Variants in DDX19B observed in about 807,000 individuals in gnomAD.
DDX19B encodes the protein ATP-dependent RNA helicase DDX19B.
A neutral mutation model predicts 58.1 loss-of-function variants in DDX19B; 27 were observed. The observed-to-expected ratio is 0.46, with a 90% CI of 0.34 to 0.64. The LOEUF (loss-of-function observed/expected upper bound fraction) is 0.64, where lower values mean the gene tolerates loss of function less well. DDX19B is among the 30% of genes least tolerant of loss of function. The pLI is 0.01. For missense variants in DDX19B, 399 were observed against 596.5 expected, an observed-to-expected ratio of 0.67 and a Z score of 3.45; for synonymous variants, 187 against 214.4, an observed-to-expected ratio of 0.87 and a Z score of 1.12.
chr16:70,289,966 A>C (rs1961015939), upstream of DDX19B: 1 of 327,704 alleles, frequency 3.1e-6, no homozygotes, highest in South Asian at 2.3e-5. Flanking sequence ...TGTCCGGGGG[A>C]GACCTTGAAT....
In DDX19B at chr16:70,308,813, GT is replaced by G. The variant is rs532007793; in HGVS notation, c.58-3783del. ...CAGGTGTGAGCCACTGTGCCCAGCT[GT>G]TTTTTTTTTTTTAAAGTTCTAGGGT... On this transcript the variant is annotated intron_variant, in intron 1 of 11. Transcript: ENST00000288071. 2.7e-3 allele frequency among the ~76,000 whole-genome samples: 390 copies of G among 145,088 alleles called. 2 individuals carry two copies. Among genetic ancestry groups the G allele is most frequent in the Non-Finnish European group, 3.6e-3 (235 of 65,484 alleles).
At chr16:70,298,757 T>C (rs1961325703), upstream of DDX19B, among the ~76,000 whole-genome samples, 1 of 152,174 alleles carries the variant, frequency 6.6e-6, no homozygotes, top group African/African-American at 2.4e-5. Flanking sequence ...GCAGTTTTGT[T>C]ACATGCCTAA....
chr16:70,299,148 T>C (rs1961340932), upstream of DDX19B: 2 of 1,360,090 alleles, frequency 1.5e-6, no homozygotes, highest in East Asian at 2.9e-5. Flanking sequence ...CAAACAGGAG[T>C]GGCCTCCGAC....
At chr16:70,290,098 A>G (rs1961020723), upstream of DDX19B, 2 of 269,022 alleles carry the variant, frequency 7.4e-6, no homozygotes, top group South Asian at 6.5e-5. Context: ...GTGAATATAT[A>G]TATATACATA....
chr16:70,290,040 T>G, upstream of DDX19B: 1 of 280,750 alleles, frequency 3.6e-6, no homozygotes, highest in Non-Finnish European at 7.3e-6. Flanking sequence ...GTCCTCGATT[T>G]GCCTTTGGAA....
At position 70,325,628 on chromosome 16, in the gene DDX19B, G is replaced by A. The variant is rs767204262; in HGVS notation, c.547G>A (p.Glu183Lys). Residue 183 changes from glutamate to lysine, a missense_variant, in exon 7 of 12, where the codon GAA (glutamate) becomes AAA (lysine). Glu to Lys is a moderately conservative substitution (Grantham distance 56). Transcript: ENST00000288071. Reference sequence around the variant, plus strand: ...CGCCCTCCAAACAGGAAAAGTGATTGAACAAATGGGCAAATTTTACCCTGA... The same window carrying A: ...CGCCCTCCAAACAGGAAAAGTGATTAAACAAATGGGCAAATTTTACCCTGA... ...ELALQTGKVIEQMGKFYPELK... is the reference protein window; with the variant it reads ...ELALQTGKVIKQMGKFYPELK... 1 of 1,614,082 alleles carries A rather than the reference G, an allele frequency of 6.2e-7. No individual in the cohort carries two copies. The highest frequency in any genetic ancestry group is 8.5e-7 in the Non-Finnish European group (1 of 1,179,994).
intron 7 of DDX19B, among the ~76,000 whole-genome samples, chr16:70,327,250 G>T (rs1014872535): frequency 6.6e-6 from 1 of 151,534 alleles, no homozygotes; most frequent in African/African-American, 2.4e-5. Flanking sequence ...AATTTTTTTT[G>T]TAGGCCAAAC....
In DDX19B at chr16:70,315,142, C is replaced by T. The variant is rs553243775; in HGVS notation, c.160+187C>T. Among the ~76,000 whole-genome samples, 775 of 150,594 alleles carry T rather than the reference C, an allele frequency of 5.1e-3. 7 individuals carry two copies. The highest frequency in any genetic ancestry group is 6.5e-3 in the Non-Finnish European group (443 of 67,772). ...CTGTAATCCCAGCACTTTGGGAGGC[C>T]GAGGTGGGCAGATCACGAGGTCAGG... On this transcript the variant is annotated intron_variant, in intron 3 of 11. Coordinates refer to ENST00000288071, the MANE Select transcript of DDX19B (RefSeq NM_007242.7).
chr16:70,317,424 A>G, intron 4 of DDX19B, 72 bp from the exon 5 acceptor site: 1 of 1,219,944 alleles, frequency 8.2e-7, no homozygotes, highest in South Asian at 1.3e-5. Context: ...TAAAAGAGAA[A>G]AATCCTCCAG....
chr16:70,331,915 C>T, intron 10 of DDX19B, 31 bp downstream of exon 10: 1 of 1,606,818 alleles, frequency 6.2e-7, no homozygotes, highest in Non-Finnish European at 8.5e-7. Flanking sequence ...ACCTGGTCTG[C>T]CAGGCTTGGG....
chr16:70,294,885 C>T (rs1263610375), upstream of DDX19B: 1 of 1,526,166 alleles, frequency 6.6e-7, no homozygotes, highest in Non-Finnish European at 8.7e-7. Context: ...TCGCGCCCTG[C>T]GGCGGTTTCC....
At chr16:70,320,068 T>C (rs1056508832) in intron 5 of DDX19B, among the ~76,000 whole-genome samples, 7 of 152,156 alleles carry the variant, frequency 4.6e-5, no homozygotes, top group African/African-American at 1.7e-4. Context: ...TTCATACTGA[T>C]TGATCATTTA....
intron 2 of DDX19B, among the ~76,000 whole-genome samples, chr16:70,313,818 C>T (rs1438511912): frequency 3.3e-5 from 5 of 152,048 alleles, no homozygotes; most frequent in Non-Finnish European, 7.4e-5. Context: ...TTATATTAAT[C>T]AATTTATAGG....
At chr16:70,305,512 T>C (rs138503511) in intron 1 of DDX19B, among the ~76,000 whole-genome samples, 1 of 152,342 alleles carries the variant, frequency 6.6e-6, no homozygotes, top group East Asian at 1.9e-4. Flanking sequence ...AGAAATTGCA[T>C]ACTTTACTGT....
intron 9 of DDX19B, among the ~76,000 whole-genome samples, chr16:70,330,905 C>T (rs772956787): frequency 2.0e-5 from 3 of 151,772 alleles, no homozygotes; most frequent in African/African-American, 7.3e-5. Flanking sequence ...ATTAGCCAGG[C>T]GTGGTGGTGC....
chr16:70,294,659 C>G (rs541399078), upstream of DDX19B: 120 of 451,200 alleles, frequency 2.7e-4, 2 homozygotes, highest in South Asian at 1.6e-3. Flanking sequence ...TAGCAGGAAA[C>G]AAAGCCCTCT....
intron 9 of DDX19B, among the ~76,000 whole-genome samples, chr16:70,331,051 T>C (rs1018708373): frequency 6.6e-6 from 1 of 152,110 alleles, no homozygotes. Context: ...AAAATTTAAA[T>C]TTAAAATAAA....
intron 1 of DDX19B, among the ~76,000 whole-genome samples, chr16:70,311,305 G>A (rs1444558292): frequency 1.3e-5 from 2 of 152,040 alleles, no homozygotes; most frequent in Non-Finnish European, 1.5e-5. Context: ...GCGTGAACCC[G>A]GAAGGCAGAG....
At chr16:70,320,467 C>T (rs1962711462) in intron 5 of DDX19B, among the ~76,000 whole-genome samples, 1 of 151,002 alleles carries the variant, frequency 6.6e-6, no homozygotes, top group Admixed American at 6.6e-5. Context: ...GCCTCCTGGG[C>T]GTAAGCAATC....
Sources: allele counts gnomAD v4.1 joint callset (sites outside exome capture counted in the v4.1 genomes callset), GRCh38; gene constraint gnomAD v4.1.1; transcripts MANE v1.5; gene names NCBI Gene and HGNC (gene_info 2026-07-23, HGNC 2026-07-21).